PRKG2: variants seen among roughly 807,000 people sequenced by gnomAD.
PRKG2 encodes cGMP-dependent protein kinase 2.
A neutral mutation model predicts 97.2 loss-of-function variants in PRKG2; 33 were observed. The observed-to-expected ratio is 0.34, with a 90% CI of 0.26 to 0.45. The LOEUF (loss-of-function observed/expected upper bound fraction) is 0.45, where lower values mean the gene tolerates loss of function less well. Among genes scored for constraint, PRKG2 ranks in the 20% least tolerant of loss-of-function variants. PRKG2 has a pLI of 1.00. For missense variants in PRKG2, 638 were observed against 900.0 expected (o/e 0.71, Z 3.73); for synonymous variants, 330 against 321.8 (o/e 1.03, Z -0.27).
Position 81,183,595 on chromosome 4 carries a change from AT to A in PRKG2, c.462-8637del, listed in dbSNP as rs997290079. 1.5e-3 allele frequency among the ~76,000 whole-genome samples: 217 copies of A among 148,784 alleles called. 1 individual carries two copies. Among genetic ancestry groups the A allele is most frequent in the East Asian group, 3.8e-3 (19 of 5,062 alleles). ...GACAGACACTGAGCTAGCTGCAGGA[AT>A]TTTTTTTTTTCATACCCCCGTGGTG... is the stretch of plus-strand genomic sequence containing the variant. On this transcript the variant is annotated intron_variant, in intron 2 of 18. Transcript: ENST00000264399.
At chr4:81,215,429 T>G (rs947653168), upstream of PRKG2, among the ~76,000 whole-genome samples, 1 of 152,164 alleles carries the variant, frequency 6.6e-6, no homozygotes, top group African/African-American at 2.4e-5. Flanking sequence ...GCAACTTAAG[T>G]AGGGCGATAA....
rs566222003 is a variant in PRKG2, at chr4:81,087,508, A to C, written c.*2200T>G. Reference sequence around the variant, plus strand: ...ACTAAATGGTTATTAAGGCCCCTTTAATTTTAATAGAGACAGTAACAGTAG... The same window carrying C: ...ACTAAATGGTTATTAAGGCCCCTTTCATTTTAATAGAGACAGTAACAGTAG... On this transcript the variant is annotated 3_prime_UTR_variant, in exon 19 of 19. Transcript: ENST00000264399. 2 of 152,288 alleles carry C rather than the reference A, an allele frequency of 1.3e-5. No individual in the cohort carries two copies. Among genetic ancestry groups the C allele is most frequent in the Non-Finnish European group, 2.9e-5 (2 of 67,986 alleles). 9.4% of individuals were successfully genotyped at this position (152,288 alleles called of 1,614,324 possible).
chr4:81,135,907 G>A (rs1746646853), intron 13 of PRKG2, among the ~76,000 whole-genome samples: 1 of 151,624 alleles, frequency 6.6e-6, no homozygotes, highest in South Asian at 2.1e-4. Context: ...ACAGAAACTG[G>A]GTTTGACTCC....
In PRKG2 at chr4:81,142,863, T is replaced by G; in HGVS notation, c.1338A>C (p.Ser446=). The change falls in exon 11 of 19, where the codon TCA becomes TCC. Residue 446 remains serine, a synonymous_variant. Transcript: ENST00000264399. ...TCTCAAGGTTCTGGAATGGGGATGA[T>G]GAGGAAAATCTGGCCACCTTCTCCT... ...QLKEKVARFS[S]SSPFQNLEII... 2 of 1,613,388 alleles carry G rather than the reference T, an allele frequency of 1.2e-6. No individual in the cohort carries two copies. Among genetic ancestry groups the G allele is most frequent in the Non-Finnish European group, 1.7e-6 (2 of 1,179,518 alleles).
intron 14 of PRKG2, among the ~76,000 whole-genome samples, chr4:81,119,724 G>T (rs1028170291): frequency 1.3e-5 from 2 of 151,720 alleles, no homozygotes; most frequent in Non-Finnish European, 2.9e-5. Context: ...GCCCAGGCTG[G>T]AGTGCAGTGG....
chr4:81,152,032 T>C lies in PRKG2; in HGVS notation c.1013A>G (p.Glu338Gly). Reference sequence around the variant, plus strand: ...TATCAGCTGTGGTTGATCATGGCCTTCTGTGCTCTGTGTTACTTTTACCTA... The same window carrying C: ...TATCAGCTGTGGTTGATCATGGCCTCCTGTGCTCTGTGTTACTTTTACCTA... ...KGKVKVTQST[E>G]GHDQPQLIKT... Residue 338 changes from glutamate (E) to glycine (G), a missense_variant, in exon 8 of 19, where the codon GAA (glutamate) becomes GGA (glycine). This residue lies in a region of PRKG2 where 332 missense variants were observed against 421.7 expected (regional missense o/e 0.79). Transcript: ENST00000264399. 6.2e-7 allele frequency: 1 copy of C among 1,612,500 alleles called. No individual in the cohort carries two copies. The highest frequency in any genetic ancestry group is 8.5e-7 in the Non-Finnish European group (1 of 1,179,106).
chr4:81,097,442 T>C (rs1006879433), intron 17 of PRKG2, among the ~76,000 whole-genome samples: 1 of 152,184 alleles, frequency 6.6e-6, no homozygotes, highest in African/African-American at 2.4e-5. Context: ...TTAGCATCAT[T>C]CTTAAGGGCC....
At chr4:81,171,391 A>AT (rs1414292258) in intron 4 of PRKG2, among the ~76,000 whole-genome samples, 1 of 151,936 alleles carries the variant, frequency 6.6e-6, no homozygotes, top group African/African-American at 2.4e-5. Context: ...TACATACCAC[A>AT]TTTTCTTTAC....
intron 7 of PRKG2, among the ~76,000 whole-genome samples, chr4:81,153,276 A>G (rs1748598664): frequency 6.6e-6 from 1 of 152,210 alleles, no homozygotes. Flanking sequence ...GCTACTTGTC[A>G]TATCTATTGG....
Position 81,142,936 on chromosome 4 carries a change from G to C in PRKG2, c.1265C>G (p.Ser422Cys). 6.2e-7 allele frequency: 1 copy of C among 1,609,984 alleles called. No homozygotes were observed. Among genetic ancestry groups the C allele is most frequent in the Non-Finnish European group, 8.5e-7 (1 of 1,177,470 alleles). Reference protein sequence around the residue: ...DEKRHAKRSMSNWKLSKALSL... With the variant: ...DEKRHAKRSMCNWKLSKALSL... Reference sequence around the variant, plus strand: ...GAGTGCTTTGGACAGCTTCCAGTTAGACATGGACCGCCTGTACAAGAGAAG... The same window carrying C: ...GAGTGCTTTGGACAGCTTCCAGTTACACATGGACCGCCTGTACAAGAGAAG... The change falls in exon 11 of 19, where the codon TCT (serine) becomes TGT (cysteine). Residue 422 changes from serine to cysteine, a missense_variant. Ser to Cys is a moderately radical substitution (Grantham distance 112, BLOSUM62 -1). Transcript: ENST00000264399.
At chr4:81,210,722 G>A (rs949320887) in intron 1 of PRKG2, among the ~76,000 whole-genome samples, 17 of 152,128 alleles carry the variant, frequency 1.1e-4, no homozygotes, top group African/African-American at 4.1e-4. Context: ...ACTGATATGA[G>A]ACATATGTTT....
intron 14 of PRKG2, among the ~76,000 whole-genome samples, chr4:81,120,989 G>C (rs1366369588): frequency 6.6e-6 from 1 of 152,098 alleles, no homozygotes. Flanking sequence ...TTTACTGAGA[G>C]TTTTTATCAT....
chr4:81,217,498 G>C (rs545492046), upstream of PRKG2, among the ~76,000 whole-genome samples: 1 of 152,150 alleles, frequency 6.6e-6, no homozygotes, highest in Non-Finnish European at 1.5e-5. Context: ...GGAAGAGAAG[G>C]AAAGTGACCA....
intron 17 of PRKG2, 25 bp from the exon 18 acceptor site, chr4:81,092,477 G>GAAGGAAGGAAGGAAGA (rs751902076): frequency 2.4e-6 from 2 of 834,368 alleles, no homozygotes; most frequent in Non-Finnish European, 3.8e-6. Context: ...AGGAAGGAAG[G>GAAGGAAGGAAGGAAGA]AAGGAAGGAA....
chr4:81,173,935 G>A (rs1431708485), intron 3 of PRKG2: 1 of 151,980 alleles, frequency 6.6e-6, no homozygotes, highest in Non-Finnish European at 1.5e-5. Flanking sequence ...TTCTGGGTAA[G>A]CCAGTTTTAA....
chr4:81,209,278 C>G (rs1458257035), intron 1 of PRKG2, among the ~76,000 whole-genome samples: 1 of 152,138 alleles, frequency 6.6e-6, no homozygotes, highest in African/African-American at 2.4e-5. Context: ...TTTCCTCCAG[C>G]CCTATAGCAG....
Position 81,088,523 on chromosome 4 carries a change from T to C in PRKG2, c.*1185A>G, listed in dbSNP as rs530010510. ...TTCTTAGGTACTAGGTCCCATGCTA[T>C]TGAAACTATCCTACTTATTATTTGG... On this transcript the variant is annotated 3_prime_UTR_variant, in exon 19 of 19. Transcript: ENST00000264399. 3 of 152,284 alleles carry C rather than the reference T, an allele frequency of 2.0e-5. No homozygotes were observed. In the East Asian group the frequency reaches 5.8e-4, roughly 29 times the overall value. The allele number at this position is 152,284 out of a possible 1,614,324, so 9.4% of individuals were successfully genotyped here. A position where few individuals can be genotyped will look rare whatever the true frequency, so the allele number is the denominator to read the frequency against.
chr4:81,174,190 G>A (rs75921700), intron 3 of PRKG2, among the ~76,000 whole-genome samples: 1,671 of 151,952 alleles, frequency 0.011, 38 homozygotes, highest in African/African-American at 0.038. Context: ...TAAAAACACC[G>A]GTTTTAATTG....
chr4:81,194,254 C>A (rs1460450689), intron 2 of PRKG2, among the ~76,000 whole-genome samples: 1 of 152,108 alleles, frequency 6.6e-6, no homozygotes, highest in African/African-American at 2.4e-5. Context: ...CATTCAAATT[C>A]TTTCTCCCAA....
Sources: gnomAD v4.1 joint callset for allele counts (sites outside exome capture counted in the v4.1 genomes callset) on GRCh38, gnomAD v4.1.1 for gene constraint, gnomAD v4.1.1 regional missense constraint, MANE v1.5 for transcripts, NCBI Gene and HGNC (gene_info 2026-07-23, HGNC 2026-07-21) for gene names.